The following ARHGAP15 variants were observed in gnomAD, a reference collection of about 807,000 sequenced individuals.
The protein encoded by ARHGAP15 is rho GTPase-activating protein 15.
In ARHGAP15, 51 loss-of-function variants were observed where a neutral mutation model predicts 63.7. The observed-to-expected ratio is 0.80, with a 90% confidence interval of 0.64 to 1.01. ARHGAP15 has a LOEUF of 1.01. Ranked by LOEUF, ARHGAP15 falls within the 50% of genes least tolerant of loss-of-function variation. The probability of loss-of-function intolerance (pLI) is 0.00; values close to 1 mark genes in which losing one functional copy is unlikely to be tolerated. For synonymous variants in ARHGAP15, 191 were observed against 193.8 expected, an observed-to-expected ratio of 0.99 and a Z score of 0.12; for missense variants, 560 against 564.6, an observed-to-expected ratio of 0.99 and a Z score of 0.08.
chr2:143,671,504 GATT>G (rs1559117358), intron 12 of ARHGAP15, among the ~76,000 whole-genome samples: 2 of 152,224 alleles, frequency 1.3e-5, no homozygotes, highest in South Asian at 2.1e-4. Flanking sequence ...TCTTAGATGA[GATT>G]ATTTTAGATA....
chr2:143,604,887 GTTT>G (rs905139969), intron 11 of ARHGAP15, among the ~76,000 whole-genome samples: 1 of 151,766 alleles, frequency 6.6e-6, no homozygotes, highest in South Asian at 2.1e-4. Flanking sequence ...ATTTTACAGG[GTTT>G]TTTTGTTTTG....
At chr2:143,245,820 G>C (rs1219567217) in intron 5 of ARHGAP15, among the ~76,000 whole-genome samples, 2 of 152,156 alleles carry the variant, frequency 1.3e-5, no homozygotes, top group Non-Finnish European at 2.9e-5. Flanking sequence ...AGGCAAAGCA[G>C]GACATGCCTT....
intron 8 of ARHGAP15, among the ~76,000 whole-genome samples, chr2:143,463,386 A>G (rs1383421569): frequency 6.6e-6 from 1 of 152,174 alleles, no homozygotes; most frequent in African/African-American, 2.4e-5. Context: ...TACTAAAAAT[A>G]GAAAAATTAG....
chr2:143,642,408 A>C (rs1447840334), intron 12 of ARHGAP15, among the ~76,000 whole-genome samples: 3 of 152,070 alleles, frequency 2.0e-5, no homozygotes, highest in African/African-American at 4.8e-5. Context: ...ATGTTGATTC[A>C]TTATGCCTAG....
intron 11 of ARHGAP15, among the ~76,000 whole-genome samples, chr2:143,586,307 CCTT>C (rs1697105775): frequency 6.6e-6 from 1 of 151,954 alleles, no homozygotes; most frequent in African/African-American, 2.4e-5. Flanking sequence ...AAATTTAAGT[CCTT>C]CTGTATTTTC....
chr2:143,400,207 C>A (rs1025402692), intron 6 of ARHGAP15, among the ~76,000 whole-genome samples: 12 of 151,852 alleles, frequency 7.9e-5, no homozygotes, highest in Non-Finnish European at 1.3e-4. Flanking sequence ...TTAAATGTTA[C>A]AATAGAAATT....
At chr2:143,510,846 C>G (rs1392878449) in intron 9 of ARHGAP15, among the ~76,000 whole-genome samples, 1 of 152,168 alleles carries the variant, frequency 6.6e-6, no homozygotes, top group African/African-American at 2.4e-5. Context: ...TTGAAGTTTA[C>G]TAGAATCGCT....
intron 11 of ARHGAP15, among the ~76,000 whole-genome samples, chr2:143,613,327 TAAG>T (rs1574709887): frequency 6.6e-6 from 1 of 152,202 alleles, no homozygotes. Flanking sequence ...GGAAGATTGT[TAAG>T]AAGAAATTAA....
intron 12 of ARHGAP15, among the ~76,000 whole-genome samples, chr2:143,648,418 T>C (rs1574769073): frequency 6.6e-6 from 1 of 152,132 alleles, no homozygotes; most frequent in South Asian, 2.1e-4. Flanking sequence ...ATATTATTTT[T>C]CCCTGCAGAA....
intron 6 of ARHGAP15, among the ~76,000 whole-genome samples, chr2:143,269,636 T>C (rs1178514008): frequency 1.3e-5 from 2 of 152,308 alleles, no homozygotes; most frequent in South Asian, 2.1e-4. Flanking sequence ...CACCTTCCAA[T>C]TGGAAAAAGT....
At chr2:143,611,496 T>C (rs1698252368) in intron 11 of ARHGAP15, among the ~76,000 whole-genome samples, 1 of 152,186 alleles carries the variant, frequency 6.6e-6, no homozygotes, top group Non-Finnish European at 1.5e-5. Context: ...TGACATAAGA[T>C]CATGCAGATA....
intron 13 of ARHGAP15, among the ~76,000 whole-genome samples, chr2:143,744,683 A>G (rs1005259244): frequency 2.0e-5 from 3 of 152,206 alleles, no homozygotes; most frequent in Non-Finnish European, 4.4e-5. Flanking sequence ...TATAATCACT[A>G]TTGCAATAAA....
At chr2:143,432,832 G>A (rs1393087313) in intron 6 of ARHGAP15, among the ~76,000 whole-genome samples, 2 of 151,892 alleles carry the variant, frequency 1.3e-5, no homozygotes, top group African/African-American at 4.8e-5. Flanking sequence ...TGGTAATGAG[G>A]GATTTCAAGA....
intron 9 of ARHGAP15, among the ~76,000 whole-genome samples, chr2:143,498,871 A>G (rs892739872): frequency 2.6e-5 from 4 of 152,208 alleles, no homozygotes; most frequent in Non-Finnish European, 5.9e-5. Flanking sequence ...TGACAATGCC[A>G]TAATATTTGA....
At chr2:143,133,039 G>C (rs1293114409) in intron 1 of ARHGAP15, among the ~76,000 whole-genome samples, 1 of 152,132 alleles carries the variant, frequency 6.6e-6, no homozygotes, top group African/African-American at 2.4e-5. Flanking sequence ...TGCTCTATTA[G>C]AGTTCAGAAA....
intron 12 of ARHGAP15, among the ~76,000 whole-genome samples, chr2:143,667,721 C>G (rs903916621): frequency 6.6e-6 from 1 of 151,838 alleles, no homozygotes; most frequent in African/African-American, 2.4e-5. Flanking sequence ...TGGCAGGGCA[C>G]GGTGGCTCCC....
intron 6 of ARHGAP15, among the ~76,000 whole-genome samples, chr2:143,374,851 C>A (rs1686733158): frequency 6.6e-6 from 1 of 152,134 alleles, no homozygotes. Flanking sequence ...CTAATGACTC[C>A]TCCAGGACAG....
At chr2:143,472,878 C>T (rs1304422445) in intron 8 of ARHGAP15, among the ~76,000 whole-genome samples, 1 of 152,182 alleles carries the variant, frequency 6.6e-6, no homozygotes, top group Non-Finnish European at 1.5e-5. Context: ...CACACACTTG[C>T]TAAGTGGTAG....
intron 11 of ARHGAP15, chr2:143,572,170 T>C (rs550729248): frequency 2.6e-5 from 4 of 152,430 alleles, no homozygotes; most frequent in South Asian, 2.1e-4. Context: ...ATCTGCATTG[T>C]AGGCTTTCAG....
Sources: gnomAD v4.1 joint callset for allele counts (sites outside exome capture counted in the v4.1 genomes callset) on GRCh38, gnomAD v4.1.1 for gene constraint, MANE v1.5 for transcripts, NCBI Gene and HGNC (gene_info 2026-07-23, HGNC 2026-07-21) for gene names.